FAM131B: variants seen among roughly 807,000 people sequenced by gnomAD.
The protein encoded by FAM131B is protein FAM131B.
FAM131B carries 19 observed loss-of-function variants against 42.0 expected under a neutral mutation model. The ratio of observed to expected loss-of-function variants is 0.45; its 90% CI spans 0.32 to 0.66. The LOEUF (loss-of-function observed/expected upper bound fraction) is 0.66. Ranked by LOEUF, FAM131B falls within the 30% of genes least tolerant of loss-of-function variation. FAM131B has a pLI of 0.05. For synonymous variants in FAM131B, 183 were observed against 177.6 expected, an observed-to-expected ratio of 1.03 and a Z score of -0.24; for missense variants, 370 against 468.4, an observed-to-expected ratio of 0.79 and a Z score of 1.94.
At chr7:143,381,174 T>C in the FAM131B span, 1 of 989,434 alleles carries the variant, frequency 1.0e-6, no homozygotes, top group South Asian at 4.7e-5. Flanking sequence ...TCAGGGCCCC[T>C]TCCTGGGGGA....
At chr7:143,376,923 T>C in the FAM131B span, among the ~76,000 whole-genome samples, 1 of 152,194 alleles carries the variant, frequency 6.6e-6, no homozygotes, top group Non-Finnish European at 1.5e-5. Context: ...AAGCCTTCTG[T>C]CCTCCTCAAT....
the FAM131B span, chr7:143,379,864 G>C: frequency 1.2e-5 from 2 of 164,048 alleles, no homozygotes; most frequent in Non-Finnish European, 2.5e-5. Context: ...TGCTTCACCT[G>C]ATATCAGGGG....
Position 143,359,497 on chromosome 7 carries a change from T to G in FAM131B, c.175-78A>C. The G allele has an allele frequency of 3.3e-6, 4 of 1,204,506 alleles. No homozygotes were observed. In the South Asian group the frequency reaches 5.1e-5, roughly 15 times the overall value. The allele number at this position is 1,204,506 out of a possible 1,614,324, so 74.6% of individuals were successfully genotyped here. A position where few individuals can be genotyped will look rare whatever the true frequency, so the allele number is the denominator to read the frequency against. On this transcript the variant is annotated intron_variant, in intron 3 of 6. Coordinates refer to ENST00000443739, the MANE Select transcript of FAM131B (RefSeq NM_001031690.3). The surrounding 1 kb of genome is among the most constrained non-coding windows in gnomAD (Gnocchi z 5.4). ...CTTTATACATGGAGGAGGTTCATGG[T>G]TTCCAGGAAAAAGCATTCGAGCTAG...
At chr7:143,381,418 C>T in the FAM131B span, 1 of 1,242,114 alleles carries the variant, frequency 8.1e-7, no homozygotes, top group Non-Finnish European at 1.0e-6. Context: ...CGGTGAGGCG[C>T]GGGGAGCGGC....
In FAM131B at chr7:143,357,301, G is replaced by A; in HGVS notation, c.589C>T (p.Gln197Ter). The A allele has an allele frequency of 6.2e-7, 1 of 1,614,168 alleles. No individual in the cohort carries two copies. Among genetic ancestry groups the A allele is most frequent in the East Asian group, 2.2e-5 (1 of 44,888 alleles). The change falls in exon 6 of 7, where the codon CAG becomes TAG. Residue 197 changes from glutamine (Q) to a stop codon, truncating the protein, a stop_gained. Coordinates refer to ENST00000443739, the MANE Select transcript of FAM131B (RefSeq NM_001031690.3). LOFTEE classifies it high-confidence loss of function. The part of the protein sequence containing the change: ...PLGCNYSDNY[Q>*]ELMDSQDALA... Reference sequence around the variant, plus strand: ...TCACCCTGACTGTCCATCAGTTCCTGGTAGTTGTCACTGTAGTTGCAGCCC... The same window carrying A: ...TCACCCTGACTGTCCATCAGTTCCTAGTAGTTGTCACTGTAGTTGCAGCCC...
At chr7:143,374,526 T>A in the FAM131B span, among the ~76,000 whole-genome samples, 1 of 152,190 alleles carries the variant, frequency 6.6e-6, no homozygotes, top group Admixed American at 6.5e-5. Context: ...GGCGACACTT[T>A]CAAAATTCCC....
At chr7:143,366,707 G>A (rs920222282), upstream of FAM131B, among the ~76,000 whole-genome samples, 7 of 151,816 alleles carry the variant, frequency 4.6e-5, no homozygotes, top group Admixed American at 1.3e-4. Flanking sequence ...ACAGGCACCC[G>A]CCACCATGAC....
chr7:143,379,475 G>A, the FAM131B span, among the ~76,000 whole-genome samples: 1 of 152,146 alleles, frequency 6.6e-6, no homozygotes, highest in African/African-American at 2.4e-5. Flanking sequence ...AGATCAGTGG[G>A]GTTTGCAAAA....
In FAM131B at chr7:143,356,562, C is replaced by T. The variant is rs1803661968; in HGVS notation, c.1071G>A (p.Glu357=). 1 of 1,611,682 alleles carries T rather than the reference C, an allele frequency of 6.2e-7. No homozygotes were observed. Among genetic ancestry groups the T allele is most frequent in the Admixed American group, 1.7e-5 (1 of 59,970 alleles). ...TTGGGGGAGGAAACTAGTTGTTGGC[C>T]TCGCCTTCCTCCTCATCAAAGGACT... ...GVQSFDEEEG[E]ANN is the part of the protein sequence containing the mutation. Residue 357 remains glutamate (E), a synonymous_variant, in exon 7 of 7, where the codon GAG becomes GAA. Coordinates refer to ENST00000443739, the MANE Select transcript of FAM131B (RefSeq NM_001031690.3). This position sits in a 1 kb window ranked among gnomAD's most constrained non-coding sequence, Gnocchi z 4.4.
chr7:143,374,178 T>C, the FAM131B span, among the ~76,000 whole-genome samples: 1 of 152,190 alleles, frequency 6.6e-6, no homozygotes. Context: ...TTCTCTGCCT[T>C]GGACCTGGAT....
chr7:143,357,068 G>A lies in FAM131B; in HGVS notation c.611-46C>T, dbSNP rs182103790. The A allele has an allele frequency of 1.3e-5, 18 of 1,431,424 alleles. No individual in the cohort carries two copies. In the African/African-American group the frequency reaches 2.1e-4, roughly 17 times the overall value. 88.7% of individuals were successfully genotyped at this position (1,431,424 alleles called of 1,614,324 possible). A position where few individuals can be genotyped will look rare whatever the true frequency, so the allele number is the denominator to read the frequency against. On this transcript the variant is annotated intron_variant, in intron 6 of 6. Coordinates refer to ENST00000443739, the MANE Select transcript of FAM131B (RefSeq NM_001031690.3). ...GTCAGTGGGGCCACAGAATGTCAAGGGCAGGAATGACAGCACAGACAGCAC... is the reference window on the plus strand; with the variant it reads ...GTCAGTGGGGCCACAGAATGTCAAGAGCAGGAATGACAGCACAGACAGCAC...
the FAM131B span, chr7:143,381,167 G>A: frequency 1.0e-6 from 1 of 987,466 alleles, no homozygotes; most frequent in African/African-American, 1.7e-5. Context: ...GGCAGGATCA[G>A]GGCCCCTTCC....
chr7:143,381,599 A>G, the FAM131B span: 1 of 1,611,148 alleles, frequency 6.2e-7, no homozygotes, highest in Non-Finnish European at 8.5e-7. Flanking sequence ...GTCTCCCGCG[A>G]TCTCCGTTTC....
rs372510284 is a variant in FAM131B at position 143,358,813 on chromosome 7, T to C, written c.466+14A>G. 3.4e-5 allele frequency: 55 copies of C among 1,612,394 alleles called. No individual in the cohort carries two copies. The highest frequency in any genetic ancestry group is 4.2e-5 in the Non-Finnish European group (49 of 1,179,124). ...CCTGCAAATGTGTCTCTTGAGGCTTTAGGGTACCTGTACCTGCTAGAAAAC... is the reference window on the plus strand; with the variant it reads ...CCTGCAAATGTGTCTCTTGAGGCTTCAGGGTACCTGTACCTGCTAGAAAAC... On this transcript the variant is annotated intron_variant, in intron 5 of 6. Transcript: ENST00000443739. This position sits in a 1 kb window ranked among gnomAD's most constrained non-coding sequence, Gnocchi z 4.7.
At chr7:143,382,119 C>A in the FAM131B span, 1 of 820,970 alleles carries the variant, frequency 1.2e-6, no homozygotes, top group Non-Finnish European at 1.9e-6. Flanking sequence ...TGCGCCCCTC[C>A]TTTGCTTCCC....
the FAM131B span, among the ~76,000 whole-genome samples, chr7:143,375,498 G>A: frequency 5.5e-3 from 843 of 152,220 alleles, 6 homozygotes; most frequent in African/African-American, 0.02. Flanking sequence ...TCTGGGGGTG[G>A]CATAAATAAC....
rs1804035325 is a variant in FAM131B at position 143,362,222 on chromosome 7, G to A, written c.28+354C>T. 4.9e-6 allele frequency: 1 copy of A among 202,852 alleles called. No homozygotes were observed. Among genetic ancestry groups the A allele is most frequent in the African/African-American group, 2.3e-5 (1 of 43,068 alleles). The allele number at this position is 202,852 out of a possible 1,614,324, so 12.6% of individuals were successfully genotyped here. A position where few individuals can be genotyped will look rare whatever the true frequency, so the allele number is the denominator to read the frequency against. On this transcript the variant is annotated intron_variant, in intron 1 of 6. Coordinates refer to ENST00000443739, the MANE Select transcript of FAM131B (RefSeq NM_001031690.3). This position sits in a 1 kb window ranked among gnomAD's most constrained non-coding sequence, Gnocchi z 7.7. ...GTGGGGGATGCGAGGAGGCGCTGGG[G>A]ACGGCGGAGCAGAGGCGGATGGCCT... is the stretch of plus-strand genomic sequence containing the variant.
At chr7:143,381,548 C>T in the FAM131B span, 2 of 1,603,512 alleles carry the variant, frequency 1.2e-6, no homozygotes, top group Non-Finnish European at 1.7e-6. Context: ...ACCCGGCGAC[C>T]CACCCCAGCA....
At chr7:143,371,466 T>A in the FAM131B span, among the ~76,000 whole-genome samples, 1 of 150,060 alleles carries the variant, frequency 6.7e-6, no homozygotes, top group Admixed American at 6.6e-5. Context: ...AAAAGAAAAT[T>A]AGCCAGGCCT....
Sources: gnomAD v4.1 joint callset for allele counts (sites outside exome capture counted in the v4.1 genomes callset) on GRCh38, gnomAD v4.1.1 for gene constraint, Gnocchi (gnomAD v3.1) non-coding constraint, MANE v1.5 for transcripts, NCBI Gene and HGNC (gene_info 2026-07-23, HGNC 2026-07-21) for gene names.